The following CARD9 variants were observed in gnomAD, a reference collection of about 807,000 sequenced individuals.
CARD9 encodes the protein caspase recruitment domain-containing protein 9.
In CARD9, 53 loss-of-function variants were observed where a neutral mutation model predicts 66.0. The ratio of observed to expected loss-of-function variants is 0.80; its 90% confidence interval spans 0.64 to 1.01. CARD9 has a LOEUF of 1.01. Ranked by LOEUF, CARD9 falls within the 50% of genes least tolerant of loss-of-function variation. CARD9 has a pLI of 0.00. For synonymous variants in CARD9, 387 were observed against 313.8 expected (o/e 1.23, Z -2.47); for missense variants, 769 against 743.2 (o/e 1.03, Z -0.40).
Position 136,364,146 on chromosome 9 carries a change from C to T in CARD9, c.*156G>A, listed in dbSNP as rs1833053762. ...CCGCTTAACAAACGGCCCCAATGCC[C>T]GGCAGTCCGGCTGGGCCTTTCAGGG... is the stretch of plus-strand genomic sequence containing the variant. On this transcript the variant is annotated 3_prime_UTR_variant, in exon 13 of 13. Coordinates refer to ENST00000371732, the MANE Select transcript of CARD9 (RefSeq NM_052813.5). 3 of 1,550,550 alleles carry T rather than the reference C, an allele frequency of 1.9e-6. No homozygotes were observed. The highest frequency in any genetic ancestry group is 2.6e-6 in the Non-Finnish European group (3 of 1,146,870).
chr9:136,372,175 T>G, intron 1 of CARD9, 81 bp from the exon 2 acceptor site: 4 of 1,559,976 alleles, frequency 2.6e-6, no homozygotes, highest in South Asian at 1.1e-5. Flanking sequence ...TCTCAGACGC[T>G]GGGCCAGGGC....
chr9:136,373,375 C>T (rs570854170), intron 1 of CARD9, among the ~76,000 whole-genome samples, 157 bp downstream of exon 1: 17 of 152,342 alleles, frequency 1.1e-4, no homozygotes, highest in South Asian at 4.1e-4. Flanking sequence ...AACACATCTC[C>T]GCCCAGGGGC....
At chr9:136,365,251 C>A in intron 10 of CARD9, 34 bp from the exon 11 acceptor site, 1 of 1,599,730 alleles carries the variant, frequency 6.3e-7, no homozygotes, top group Non-Finnish European at 8.5e-7. Context: ...GGGACCTGCC[C>A]ATCTGCTGGG....
At chr9:136,367,482 G>A (rs965714063) in intron 8 of CARD9, 155 bp downstream of exon 8, 18 of 1,012,094 alleles carry the variant, frequency 1.8e-5, no homozygotes, top group African/African-American at 1.1e-4. Context: ...TGAACTGCTC[G>A]TGTGCCCTCA....
intron 8 of CARD9, 29 bp downstream of exon 8, chr9:136,367,608 C>A: frequency 1.3e-6 from 2 of 1,549,550 alleles, no homozygotes; most frequent in Non-Finnish European, 1.7e-6. Flanking sequence ...CGCGCCGGCT[C>A]CCCTCCCTGC....
At chr9:136,367,590 G>A in intron 8 of CARD9, 47 bp downstream of exon 8, 1 of 1,521,856 alleles carries the variant, frequency 6.6e-7, no homozygotes, top group South Asian at 1.2e-5. Context: ...CCCTGGCCCT[G>A]CATCCCACGC....
At chr9:136,368,113 T>C in intron 7 of CARD9, 4 of 1,132,286 alleles carry the variant, frequency 3.5e-6, no homozygotes, top group Non-Finnish European at 4.6e-6. Flanking sequence ...ATTTGATAAA[T>C]TTTGGACGCG....
intron 7 of CARD9, among the ~76,000 whole-genome samples, chr9:136,369,392 G>A (rs1833202175): frequency 6.6e-6 from 1 of 152,256 alleles, no homozygotes; most frequent in Non-Finnish European, 1.5e-5. Context: ...TAGATGACAG[G>A]TAAGTCTGTA....
intron 7 of CARD9, 24 bp from the exon 8 acceptor site, chr9:136,367,852 C>CCCT: frequency 6.3e-7 from 1 of 1,583,430 alleles, no homozygotes; most frequent in South Asian, 1.1e-5. Flanking sequence ...ACAAGGCCGA[C>CCCT]CCTCAGTGAG....
chr9:136,370,833 G>C lies in CARD9; in HGVS notation c.627+8C>G. The C allele has an allele frequency of 6.3e-7, 1 of 1,593,434 alleles. No homozygotes were observed. The highest frequency in any genetic ancestry group is 8.6e-7 in the Non-Finnish European group (1 of 1,167,746). On this transcript the variant is annotated splice_region_variant and intron_variant, in intron 4 of 12. Transcript: ENST00000371732. ...GGTGGCCTGGTTTCCCGGGGGCAGC[G>C]GGCGCACCTCCAGCTGCAGGTCACG...
chr9:136,364,059 G>A lies in CARD9; in HGVS notation c.*243C>T, dbSNP rs759170920. 9 of 1,540,176 alleles carry A rather than the reference G, an allele frequency of 5.8e-6. No individual in the cohort carries two copies. In the South Asian group the frequency reaches 7.2e-5, roughly 12 times the overall value. The stretch of plus-strand genomic sequence containing the variant: ...ATGGTGAAACAGAACAGATCCTGAA[G>A]TTACACAGATGGCGTGTGCATGGGG... On this transcript the variant is annotated 3_prime_UTR_variant, in exon 13 of 13. Transcript: ENST00000371732.
At chr9:136,365,602 G>A (rs1035854313) in intron 10 of CARD9, 4 of 265,046 alleles carry the variant, frequency 1.5e-5, no homozygotes, top group Non-Finnish European at 3.0e-5. Context: ...GAGAGTTGGG[G>A]ACAGCTACAG....
chr9:136,371,591 T>A (rs1366912069), intron 2 of CARD9, 130 bp from the exon 3 acceptor site: 4 of 1,397,024 alleles, frequency 2.9e-6, no homozygotes, highest in Non-Finnish European at 3.9e-6. Flanking sequence ...GGGTCTTGGA[T>A]GAGGTACCCT....
intron 10 of CARD9, chr9:136,366,159 C>T (rs1833119799): frequency 6.4e-6 from 1 of 156,626 alleles, no homozygotes; most frequent in African/African-American, 2.4e-5. Context: ...GTGCAAACAC[C>T]TACCTCATCA....
In CARD9 at chr9:136,370,882, TCTC is replaced by T. The variant is rs2131443899; in HGVS notation, c.583_585del (p.Glu195del). 6.2e-7 allele frequency: 1 copy of T among 1,606,268 alleles called. No individual in the cohort carries two copies. The highest frequency in any genetic ancestry group is 8.5e-7 in the Non-Finnish European group (1 of 1,175,000). On this transcript the variant is annotated inframe_deletion, in exon 4 of 13. Transcript: ENST00000371732. Reference sequence around the variant, plus strand: ...CGGTTCCGCATGAGCGCGGCGCCCTTCTCCTCACTCTGGTGCGCCAGGCGCATG... The same window carrying T: ...CGGTTCCGCATGAGCGCGGCGCCCTTCTCACTCTGGTGCGCCAGGCGCATG...
chr9:136,371,487 G>T (rs1178880311), intron 2 of CARD9, 26 bp from the exon 3 acceptor site: 1 of 1,562,416 alleles, frequency 6.4e-7, no homozygotes. Context: ...GCCTAACTGG[G>T]GGCGGGGCAC....
At chr9:136,370,048 CAG>C (rs1833220580) in intron 6 of CARD9, 173 bp from the exon 7 acceptor site, 1 of 1,421,082 alleles carries the variant, frequency 7.0e-7, no homozygotes, top group African/African-American at 1.4e-5. Context: ...CGCGGCAGGA[CAG>C]GGCCCTCCGG....
At chr9:136,368,508 C>T (rs188861646) in intron 7 of CARD9, among the ~76,000 whole-genome samples, 4 of 152,368 alleles carry the variant, frequency 2.6e-5, no homozygotes, top group Admixed American at 2.6e-4. Flanking sequence ...CTCATGGGGG[C>T]CGGGGCTTCC....
At position 136,370,571 on chromosome 9, in the gene CARD9, T is replaced by C; in HGVS notation, c.758A>G (p.Glu253Gly). 1 of 1,611,064 alleles carries C rather than the reference T, an allele frequency of 6.2e-7. No homozygotes were observed. Among genetic ancestry groups the C allele is most frequent in the South Asian group, 1.1e-5 (1 of 90,954 alleles). Residue 253 changes from glutamate (E) to glycine (G), a missense_variant, in exon 5 of 13, where the codon GAG (glutamate) becomes GGG (glycine). Coordinates refer to ENST00000371732, the MANE Select transcript of CARD9 (RefSeq NM_052813.5). Reference protein sequence around the residue: ...SQELLWELQQEKALLQARVQE... With the variant: ...SQELLWELQQGKALLQARVQE... The stretch of plus-strand genomic sequence containing the variant: ...CACCCGGGCCTGGAGCAGGGCCTTC[T>C]CCTGCTGCAGCTCCCACAGCAGCTC...
Sources: gnomAD v4.1 joint callset for allele counts (sites outside exome capture counted in the v4.1 genomes callset) on GRCh38, gnomAD v4.1.1 for gene constraint, MANE v1.5 for transcripts, NCBI Gene and HGNC (gene_info 2026-07-23, HGNC 2026-07-21) for gene names.